The following TGFBR3 variants were observed in gnomAD, a reference collection of about 807,000 sequenced individuals.
TGFBR3 encodes the protein transforming growth factor beta receptor 3.
Under a neutral mutation model 87.9 loss-of-function variants are expected in TGFBR3, and 46 were observed. That is an observed-to-expected ratio of 0.52 (90% CI 0.41 to 0.67). The LOEUF is 0.67. Ranked by LOEUF, TGFBR3 falls within the 30% of genes least tolerant of loss-of-function variation. TGFBR3 has a pLI of 0.00. For missense variants in TGFBR3, 866 were observed against 1,041.9 expected (o/e 0.83, Z 2.32); for synonymous variants, 381 against 391.6 (o/e 0.97, Z 0.32).
intron 14 of TGFBR3, among the ~76,000 whole-genome samples, chr1:91,700,891 C>T (rs566172362): frequency 1.3e-5 from 2 of 152,146 alleles, no homozygotes; most frequent in African/African-American, 4.8e-5. Context: ...CCTTTCAAGA[C>T]GTAGTATTTG....
chr1:91,780,671 T>C (rs1291486794), intron 3 of TGFBR3, among the ~76,000 whole-genome samples: 2 of 149,218 alleles, frequency 1.3e-5, no homozygotes, highest in African/African-American at 5.0e-5. Context: ...GCGATTCTCC[T>C]GCCTCAGCCT....
chr1:91,866,172 T>A (rs898023910), intron 1 of TGFBR3, among the ~76,000 whole-genome samples: 8 of 152,186 alleles, frequency 5.3e-5, no homozygotes, highest in Non-Finnish European at 1.0e-4. Context: ...TCTGGTTGGG[T>A]ACAATATTCC....
At chr1:91,789,428 A>G (rs1675104341) in intron 3 of TGFBR3, among the ~76,000 whole-genome samples, 1 of 152,228 alleles carries the variant, frequency 6.6e-6, no homozygotes, top group Admixed American at 6.5e-5. Flanking sequence ...AAAAAGGCCG[A>G]GTCCAACCAG....
At position 91,698,110 on chromosome 1, in the gene TGFBR3, C is replaced by G. The variant is rs1266073455; in HGVS notation, c.2308G>C (p.Glu770Gln). The G allele has an allele frequency of 6.2e-7, 1 of 1,613,976 alleles. No individual in the cohort carries two copies. The highest frequency in any genetic ancestry group is 1.1e-5 in the South Asian group (1 of 91,060). The change falls in exon 15 of 17, where the codon GAA (glutamate) becomes CAA (glutamine). Residue 770 changes from glutamate to glutamine, a missense_variant. By Grantham distance (29) the Glu-to-Gln change is conservative. Transcript: ENST00000212355. ...ESKEKGPSMK[E>Q]PNPISPPIFH... is the part of the protein sequence containing the mutation. ...TTACGTGGAGAAATTGGATTTGGTT[C>G]CTTCATGCTTGGACCTTTTTCTGAA...
intron 4 of TGFBR3, among the ~76,000 whole-genome samples, chr1:91,744,577 C>CA (rs56956647): frequency 0.5 from 75,216 of 151,920 alleles, 19,031 homozygotes; most frequent in Non-Finnish European, 0.54. Context: ...AAATCAATGT[C>CA]AAGAAAACAT....
intron 4 of TGFBR3, among the ~76,000 whole-genome samples, chr1:91,756,424 T>C (rs1216648452): frequency 1.3e-5 from 2 of 152,124 alleles, no homozygotes; most frequent in South Asian, 4.1e-4. Flanking sequence ...TAGGTTTGAG[T>C]ACCAACTCTG....
intron 11 of TGFBR3, 50 bp downstream of exon 11, chr1:91,716,518 C>T (rs758710969): frequency 9.9e-6 from 16 of 1,614,096 alleles, no homozygotes; most frequent in Non-Finnish European, 1.4e-5. Flanking sequence ...CTAAAGCCAA[C>T]AAAATAGACA....
intron 3 of TGFBR3, among the ~76,000 whole-genome samples, chr1:91,796,640 G>A (rs1006196815): frequency 6.6e-6 from 1 of 152,180 alleles, no homozygotes; most frequent in African/African-American, 2.4e-5. Flanking sequence ...GGACACAGGA[G>A]GAAATGGGAA....
chr1:91,725,255 A>T (rs1672509488), intron 7 of TGFBR3, among the ~76,000 whole-genome samples: 1 of 152,120 alleles, frequency 6.6e-6, no homozygotes, highest in African/African-American at 2.4e-5. Flanking sequence ...CATGCATAAG[A>T]CATCCATATT....
At chr1:91,724,422 A>T (rs1397689582) in intron 7 of TGFBR3, among the ~76,000 whole-genome samples, 1 of 152,226 alleles carries the variant, frequency 6.6e-6, no homozygotes, top group African/African-American at 2.4e-5. Context: ...GCTTGCCCTC[A>T]TCTGCCCTAG....
At chr1:91,825,409 A>G (rs1014582738) in intron 2 of TGFBR3, among the ~76,000 whole-genome samples, 1 of 152,258 alleles carries the variant, frequency 6.6e-6, no homozygotes, top group Non-Finnish European at 1.5e-5. Context: ...GCATGACTCC[A>G]TTTCTACAGA....
At chr1:91,750,286 A>G (rs1411264402) in intron 4 of TGFBR3, among the ~76,000 whole-genome samples, 7 of 152,222 alleles carry the variant, frequency 4.6e-5, no homozygotes, top group Non-Finnish European at 8.8e-5. Context: ...AGCAAGTTAG[A>G]ATAAATCCCA....
At chr1:91,782,115 G>T (rs1002035363) in intron 3 of TGFBR3, among the ~76,000 whole-genome samples, 4 of 152,166 alleles carry the variant, frequency 2.6e-5, no homozygotes, top group Non-Finnish European at 5.9e-5. Flanking sequence ...AACATACCGA[G>T]AGCAATGAAG....
In TGFBR3 at chr1:91,682,594, C is replaced by G. The variant is rs1434066607; in HGVS notation, c.*1145G>C. The G allele has an allele frequency of 2.2e-6, 1 of 453,724 alleles. No individual in the cohort carries two copies. Among genetic ancestry groups the G allele is most frequent in the Admixed American group, 2.4e-5 (1 of 42,532 alleles). 28.1% of individuals were successfully genotyped at this position (453,724 alleles called of 1,614,324 possible). A position where few individuals can be genotyped will look rare whatever the true frequency, so the allele number is the denominator to read the frequency against. On this transcript the variant is annotated 3_prime_UTR_variant, in exon 17 of 17. Coordinates refer to ENST00000212355, the MANE Select transcript of TGFBR3 (RefSeq NM_003243.5). ...TGCCCTTTTCCAATCTCAGCACTGT[C>G]TTGGTGGAATTGGTGACACTATTCA... is the stretch of plus-strand genomic sequence containing the variant.
At chr1:91,800,253 TATACACACAC>T (rs1557717256) in intron 2 of TGFBR3, among the ~76,000 whole-genome samples, 2 of 132,322 alleles carry the variant, frequency 1.5e-5, no homozygotes, top group African/African-American at 6.3e-5. Flanking sequence ...TATATATATA[TATACACACAC>T]ACACACACAC....
At chr1:91,831,414 A>T (rs17886105) in intron 2 of TGFBR3, among the ~76,000 whole-genome samples, 371 of 150,614 alleles carry the variant, frequency 2.5e-3, no homozygotes, top group Admixed American at 5.7e-3. Flanking sequence ...GAAATAAGTG[A>T]TCATTTAAAA....
At chr1:91,768,715 C>T (rs57152387) in intron 3 of TGFBR3, among the ~76,000 whole-genome samples, 6,269 of 152,180 alleles carry the variant, frequency 0.041, 153 homozygotes, top group African/African-American at 0.053. Flanking sequence ...CCTTCTGCCA[C>T]GATTGAAAGT....
chr1:91,688,588 G>C (rs1366221657), intron 16 of TGFBR3, among the ~76,000 whole-genome samples: 1 of 152,170 alleles, frequency 6.6e-6, no homozygotes, highest in Middle Eastern at 3.2e-3. Flanking sequence ...CTGCTCTGAT[G>C]TGTAAGCAGA....
intron 13 of TGFBR3, among the ~76,000 whole-genome samples, chr1:91,711,483 T>C (rs1403052244): frequency 1.3e-5 from 2 of 152,218 alleles, no homozygotes; most frequent in African/African-American, 4.8e-5. Context: ...CTTTTAGACA[T>C]TGATATATGA....
Sources: gnomAD v4.1 joint callset for allele counts (sites outside exome capture counted in the v4.1 genomes callset) on GRCh38, gnomAD v4.1.1 for gene constraint, MANE v1.5 for transcripts, NCBI Gene and HGNC (gene_info 2026-07-23, HGNC 2026-07-21) for gene names.